The following AGO2 variants were observed in gnomAD, a reference collection of about 807,000 sequenced individuals.
The protein encoded by AGO2 is argonaute RISC catalytic component 2, also known as protein argonaute-2.
AGO2 carries 5 observed loss-of-function variants against 102.3 expected under a neutral mutation model. That is an observed-to-expected ratio of 0.05 (90% CI 0.03 to 0.10). AGO2 has a LOEUF of 0.10. AGO2 is among the 10% of genes least tolerant of loss of function. The pLI is 1.00. For missense variants in AGO2, 541 were observed against 1,183.7 expected, an observed-to-expected ratio of 0.46 and a Z score of 7.97; for synonymous variants, 449 against 473.1, an observed-to-expected ratio of 0.95 and a Z score of 0.66.
chr8:140,559,646 G>A, intron 5 of AGO2, 117 bp from the exon 6 acceptor site: 1 of 1,372,248 alleles, frequency 7.3e-7, no homozygotes, highest in Non-Finnish European at 9.9e-7. Context: ...CCCGGCCGGG[G>A]TTCTCACTCC....
chr8:140,555,715 A>T, intron 10 of AGO2, 181 bp downstream of exon 10: 1 of 867,100 alleles, frequency 1.2e-6, no homozygotes. Context: ...AACTTTAAAA[A>T]GGACCAAGGA....
rs148281394 is a variant in AGO2 at position 140,538,072 on chromosome 8, G to A, written c.2169+1248C>T. On this transcript the variant is annotated intron_variant, in intron 16 of 18. Transcript: ENST00000220592. ...TGACCTCAGGTGACCCACCTGCCTC[G>A]GCCTCCCAAAGTGCCAGGATTACAG... is the stretch of plus-strand genomic sequence containing the variant. Among the ~76,000 whole-genome samples the A allele has an allele frequency of 2.1e-4, 32 of 152,254 alleles. No homozygotes were observed. The East Asian group carries it at 2.9e-3, about 14-fold the overall frequency.
At chr8:140,561,340 C>T (rs932303045) in intron 4 of AGO2, among the ~76,000 whole-genome samples, 9 of 152,224 alleles carry the variant, frequency 5.9e-5, no homozygotes, top group African/African-American at 1.9e-4. Flanking sequence ...CCACCTGAGA[C>T]GTGCTAATAA....
intron 2 of AGO2, among the ~76,000 whole-genome samples, chr8:140,576,175 G>A (rs868332754): frequency 6.6e-6 from 1 of 152,174 alleles, no homozygotes; most frequent in Non-Finnish European, 1.5e-5. Flanking sequence ...TTAGCTGGGT[G>A]TAGTGGTGGG....
At chr8:140,560,247 G>A (rs1011899751) in intron 5 of AGO2, 127 bp downstream of exon 5, 35 of 1,383,048 alleles carry the variant, frequency 2.5e-5, no homozygotes, top group Non-Finnish European at 3.2e-5. Context: ...CAGGTGTCAC[G>A]CAGCGGCGCT....
At chr8:140,573,633 T>G (rs2073420176) in intron 2 of AGO2, among the ~76,000 whole-genome samples, 1 of 152,200 alleles carries the variant, frequency 6.6e-6, no homozygotes, top group African/African-American at 2.4e-5. Flanking sequence ...GCTGGGCACT[T>G]TATATGCCAC....
At chr8:140,594,395 A>G (rs2073791044) in intron 1 of AGO2, among the ~76,000 whole-genome samples, 1 of 152,224 alleles carries the variant, frequency 6.6e-6, no homozygotes, top group Non-Finnish European at 1.5e-5. Flanking sequence ...AAAATTTAAT[A>G]ACCTTTTATA....
At chr8:140,639,457 G>A (rs548318978), upstream of AGO2, among the ~76,000 whole-genome samples, 1 of 148,538 alleles carries the variant, frequency 6.7e-6, no homozygotes, top group Admixed American at 6.8e-5. Flanking sequence ...CTCCAACCTG[G>A]AGGACAGAGC....
Position 140,630,968 on chromosome 8 carries a change from G to A in AGO2, c.22+4517C>T, listed in dbSNP as rs1463609819. On this transcript the variant is annotated intron_variant, in intron 1 of 18. Coordinates refer to ENST00000220592, the MANE Select transcript of AGO2 (RefSeq NM_012154.5). ...ACTAGGGAGGCTGAGGTGGGAGGGC[G>A]GCTTGTGCCCAGGAGTTTGAGGCCG... Among the ~76,000 whole-genome samples the A allele has an allele frequency of 5.3e-5, 8 of 152,118 alleles. No homozygotes were observed. In the South Asian group the frequency reaches 6.2e-4, roughly 12 times the overall value.
At position 140,562,982 on chromosome 8, in the gene AGO2, T is replaced by A. The variant is rs532974759; in HGVS notation, c.337-348A>T. Among the ~76,000 whole-genome samples the A allele has an allele frequency of 2.0e-4, 30 of 152,264 alleles. 2 individuals are homozygous for A. The highest frequency in any genetic ancestry group is 7.2e-4 in the African/African-American group (30 of 41,548). On this transcript the variant is annotated intron_variant, in intron 3 of 18. Coordinates refer to ENST00000220592, the MANE Select transcript of AGO2 (RefSeq NM_012154.5). ...ATCGCCCCGTCCCTCACCTATGGGTTGCACCTAACGCCAGATCATGCTGCC... is the reference window on the plus strand; with the variant it reads ...ATCGCCCCGTCCCTCACCTATGGGTAGCACCTAACGCCAGATCATGCTGCC...
chr8:140,545,012 G>A (rs978789000), intron 13 of AGO2, among the ~76,000 whole-genome samples: 2 of 152,146 alleles, frequency 1.3e-5, no homozygotes, highest in African/African-American at 2.4e-5. Flanking sequence ...AGCCTTGCTC[G>A]GCTGCTGCAG....
intron 1 of AGO2, among the ~76,000 whole-genome samples, chr8:140,600,354 C>T (rs2073914154): frequency 6.6e-6 from 1 of 152,230 alleles, no homozygotes; most frequent in Non-Finnish European, 1.5e-5. Context: ...ACTCCTGCAG[C>T]ACACGGAGGA....
intron 1 of AGO2, among the ~76,000 whole-genome samples, chr8:140,591,315 C>A (rs1240635765): frequency 6.6e-6 from 1 of 152,216 alleles, no homozygotes; most frequent in African/African-American, 2.4e-5. Flanking sequence ...GGGGAGCAGT[C>A]ACCCCAAAGG....
chr8:140,550,951 C>G (rs1257449924), intron 11 of AGO2, among the ~76,000 whole-genome samples: 1 of 152,186 alleles, frequency 6.6e-6, no homozygotes, highest in African/African-American at 2.4e-5. Flanking sequence ...AAATATGGAG[C>G]CAAATTATTA....
chr8:140,604,152 G>GA (rs1445229718), intron 1 of AGO2, among the ~76,000 whole-genome samples: 1 of 152,228 alleles, frequency 6.6e-6, no homozygotes, highest in Non-Finnish European at 1.5e-5. Flanking sequence ...ACAAGACCTT[G>GA]AGGCGCACCA....
At chr8:140,561,272 C>T (rs560192564) in intron 4 of AGO2, among the ~76,000 whole-genome samples, 11 of 152,340 alleles carry the variant, frequency 7.2e-5, no homozygotes, top group South Asian at 2.1e-4. Flanking sequence ...CTGTGAGCCT[C>T]GATGCTCCCT....
At chr8:140,556,927 G>A (rs1024478219) in intron 8 of AGO2, among the ~76,000 whole-genome samples, 162 bp downstream of exon 8, 1 of 152,190 alleles carries the variant, frequency 6.6e-6, no homozygotes, top group Non-Finnish European at 1.5e-5. Context: ...AGGCAAAACC[G>A]AGGTGTAACA....
intron 1 of AGO2, among the ~76,000 whole-genome samples, chr8:140,610,998 C>A (rs988651435): frequency 6.6e-6 from 1 of 152,218 alleles, no homozygotes; most frequent in Non-Finnish European, 1.5e-5. Context: ...AGTAGACACG[C>A]GCGCATGCAG....
At chr8:140,553,440 G>A (rs1455103288) in intron 10 of AGO2, among the ~76,000 whole-genome samples, 7 of 130,794 alleles carry the variant, frequency 5.4e-5, no homozygotes, top group Admixed American at 9.1e-5. Flanking sequence ...ACGGAGTTTC[G>A]CTCTTGTTGC....
Sources: allele counts gnomAD v4.1 joint callset (sites outside exome capture counted in the v4.1 genomes callset), GRCh38; gene constraint gnomAD v4.1.1; transcripts MANE v1.5; gene names NCBI Gene and HGNC (gene_info 2026-07-23, HGNC 2026-07-21).